Variants in NUP210L observed in about 807,000 individuals in gnomAD.
NUP210L encodes the protein nucleoporin 210 like.
In NUP210L, 74 loss-of-function variants were observed where a neutral mutation model predicts 208.5. The ratio of observed to expected loss-of-function variants is 0.35; its 90% CI spans 0.29 to 0.43. The LOEUF (loss-of-function observed/expected upper bound fraction) is 0.43. Ranked by LOEUF, NUP210L falls within the 20% of genes least tolerant of loss-of-function variation. The pLI is 1.00. For synonymous variants in NUP210L, 780 were observed against 816.9 expected, an observed-to-expected ratio of 0.95 and a Z score of 0.77; for missense variants, 1,843 against 2,289.4, an observed-to-expected ratio of 0.81 and a Z score of 3.98.
chr1:154,053,765 T>C (rs1014182808), intron 25 of NUP210L, among the ~76,000 whole-genome samples: 1 of 152,214 alleles, frequency 6.6e-6, no homozygotes, highest in African/African-American at 2.4e-5. Flanking sequence ...TCTATAAATA[T>C]GTGGGTTAAT....
At chr1:154,013,482 G>A (rs1651064947) in intron 33 of NUP210L, among the ~76,000 whole-genome samples, 1 of 152,100 alleles carries the variant, frequency 6.6e-6, no homozygotes, top group South Asian at 2.1e-4. Flanking sequence ...GCTGAGGCAG[G>A]AGAATTGCTT....
chr1:154,041,318 GTTTATGTA>G (rs909066929), intron 27 of NUP210L, among the ~76,000 whole-genome samples: 1 of 151,906 alleles, frequency 6.6e-6, no homozygotes, highest in African/African-American at 2.4e-5. Flanking sequence ...AATTTTGTTT[GTTTATGTA>G]TTTATGTATT....
chr1:154,033,470 T>A (rs1179267811), intron 27 of NUP210L, among the ~76,000 whole-genome samples: 4 of 152,160 alleles, frequency 2.6e-5, no homozygotes, highest in Non-Finnish European at 4.4e-5. Flanking sequence ...CATATGGATA[T>A]CCAGTTTTCC....
intron 27 of NUP210L, among the ~76,000 whole-genome samples, chr1:154,039,593 TAA>T (rs2147959285): frequency 6.6e-6 from 1 of 152,328 alleles, no homozygotes; most frequent in Non-Finnish European, 1.5e-5. Context: ...TATTCTAGAA[TAA>T]AAGTTTTTTC....
chr1:154,054,400 G>A lies in NUP210L; in HGVS notation c.3311C>T (p.Ser1104Phe). The A allele has an allele frequency of 1.9e-6, 3 of 1,614,024 alleles. 1 individual carries two copies. Among genetic ancestry groups the A allele is most frequent in the Non-Finnish European group, 8.5e-7 (1 of 1,179,928 alleles). The change falls in exon 25 of 40, where the codon TCT becomes TTT. Residue 1104 changes from serine (S) to phenylalanine (F), a missense_variant. Ser to Phe is a radical substitution (Grantham distance 155, BLOSUM62 -2). Transcript: ENST00000368559. ...GGATTGGGGCTGGGGGCCACCTTCA[G>A]ACATTACCTGGAATTTAAATATACC...
chr1:154,019,202 G>T, intron 32 of NUP210L, 133 bp from the exon 33 acceptor site: 1 of 808,958 alleles, frequency 1.2e-6, no homozygotes, highest in Non-Finnish European at 1.9e-6. Context: ...CAGCTTTGAA[G>T]ATAACTGTTT....
At chr1:154,122,842 T>G (rs1657684118) in intron 10 of NUP210L, among the ~76,000 whole-genome samples, 1 of 151,968 alleles carries the variant, frequency 6.6e-6, no homozygotes, top group Non-Finnish European at 1.5e-5. Flanking sequence ...GTGGAGCACC[T>G]GAGTTCAGGA....
intron 29 of NUP210L, among the ~76,000 whole-genome samples, 181 bp from the exon 30 acceptor site, chr1:154,025,897 T>TA (rs1262118939): frequency 6.6e-6 from 1 of 152,152 alleles, no homozygotes; most frequent in Non-Finnish European, 1.5e-5. Context: ...CTTATTTCTT[T>TA]AAAATCAAAT....
chr1:154,060,838 A>C (rs942731613), intron 19 of NUP210L, 104 bp downstream of exon 19: 3 of 828,212 alleles, frequency 3.6e-6, no homozygotes, highest in Non-Finnish European at 5.9e-6. Context: ...TATATGTATC[A>C]ATTATTTTCA....
chr1:154,047,905 C>G (rs576624596), intron 25 of NUP210L, among the ~76,000 whole-genome samples: 1 of 151,990 alleles, frequency 6.6e-6, no homozygotes, highest in African/African-American at 2.4e-5. Flanking sequence ...ATTGGAGCGA[C>G]GGTTGGAGAA....
At chr1:154,092,550 G>T (rs11486156) in intron 15 of NUP210L, among the ~76,000 whole-genome samples, 184 of 128,460 alleles carry the variant, frequency 1.4e-3, no homozygotes, top group South Asian at 5.5e-3. Context: ...TTTGTTTTTT[G>T]TTTTTTTTTT....
chr1:154,070,334 T>G (rs1389884032), exon 17 of NUP210L: 1 of 1,613,200 alleles, frequency 6.2e-7, no homozygotes, highest in South Asian at 1.1e-5. Context: ...ATTTATAATC[T>G]TCGAAATGGG....
intron 13 of NUP210L, among the ~76,000 whole-genome samples, chr1:154,102,875 G>C (rs1656540110): frequency 6.6e-6 from 1 of 152,024 alleles, no homozygotes. Context: ...TATATAAGGG[G>C]AAGAAAGAAG....
intron 16 of NUP210L, among the ~76,000 whole-genome samples, chr1:154,073,836 AT>A (rs1654897850): frequency 6.6e-6 from 1 of 150,618 alleles, no homozygotes; most frequent in Non-Finnish European, 1.5e-5. Context: ...AAATAAATAA[AT>A]AAATAAATAA....
intron 35 of NUP210L, among the ~76,000 whole-genome samples, chr1:154,007,591 G>A (rs924635671): frequency 3.3e-5 from 5 of 151,308 alleles, no homozygotes; most frequent in African/African-American, 1.2e-4. Flanking sequence ...TTTATTTATT[G>A]AAACAGAGTC....
intron 15 of NUP210L, among the ~76,000 whole-genome samples, chr1:154,093,663 A>G (rs1656040255): frequency 6.6e-6 from 1 of 152,292 alleles, no homozygotes; most frequent in African/African-American, 2.4e-5. Flanking sequence ...ATGAAGTTCA[A>G]TGGATTACAG....
chr1:154,095,368 C>T lies in NUP210L; in HGVS notation c.1966-212G>A, dbSNP rs55837809. 2.0e-3 allele frequency among the ~76,000 whole-genome samples: 307 copies of T among 152,276 alleles called. 1 individual carries two copies. The highest frequency in any genetic ancestry group is 3.8e-3 in the Non-Finnish European group (259 of 68,026). ...AACCTAACTATTATGTTACTTTATC[C>T]ATTAATTTGTGTCCAGTCATTCTAG... On this transcript the variant is annotated intron_variant, in intron 14 of 39. Coordinates refer to ENST00000368559, the Ensembl canonical transcript of NUP210L.
intron 23 of NUP210L, 123 bp from the exon 24 acceptor site, chr1:154,054,955 CA>C: frequency 1.5e-6 from 1 of 669,738 alleles, no homozygotes; most frequent in Non-Finnish European, 2.7e-6. Context: ...TGCTGAAGTG[CA>C]GTGGCACGAT....
chr1:154,097,839 C>T (rs753482846), intron 14 of NUP210L, among the ~76,000 whole-genome samples: 1 of 152,168 alleles, frequency 6.6e-6, no homozygotes, highest in Non-Finnish European at 1.5e-5. Flanking sequence ...TCTCTATCTA[C>T]TTTTATTTTG....
Sources: gnomAD v4.1 joint callset for allele counts (sites outside exome capture counted in the v4.1 genomes callset) on GRCh38, gnomAD v4.1.1 for gene constraint, MANE v1.5 for transcripts, NCBI Gene and HGNC (gene_info 2026-07-23, HGNC 2026-07-21) for gene names.